Variants in LRFN5 observed in about 807,000 individuals in gnomAD.
The protein encoded by LRFN5 is leucine-rich repeat and fibronectin type-III domain-containing protein 5.
Under a neutral mutation model 45.6 loss-of-function variants are expected in LRFN5, and 24 were observed. That is an observed-to-expected ratio of 0.53 (90% confidence interval 0.38 to 0.74). The LOEUF (loss-of-function observed/expected upper bound fraction) is 0.74, where lower values mean the gene tolerates loss of function less well. Among genes scored for constraint, LRFN5 ranks in the 30% least tolerant of loss-of-function variants. LRFN5 has a pLI of 0.00. For missense variants in LRFN5, 776 were observed against 861.5 expected, an observed-to-expected ratio of 0.90 and a Z score of 1.24; for synonymous variants, 340 against 313.8, an observed-to-expected ratio of 1.08 and a Z score of -0.88.
intron 1 of LRFN5, among the ~76,000 whole-genome samples, chr14:41,658,852 A>C (rs1480954812): frequency 6.6e-6 from 1 of 151,900 alleles, no homozygotes. Flanking sequence ...TGTGATTCCT[A>C]ATAATAGATC....
At chr14:41,688,910 CAA>C (rs59803978) in intron 1 of LRFN5, among the ~76,000 whole-genome samples, 66,840 of 124,986 alleles carry the variant, frequency 0.53, 17,390 homozygotes, top group East Asian at 0.95. Flanking sequence ...CTATTTCTAC[CAA>C]AAAAAAAAAA....
At chr14:41,826,582 C>G (rs1888303058) in intron 2 of LRFN5, among the ~76,000 whole-genome samples, 1 of 152,060 alleles carries the variant, frequency 6.6e-6, no homozygotes, top group Non-Finnish European at 1.5e-5. Context: ...AATATATACT[C>G]AATAATAACT....
At chr14:41,694,367 C>A (rs1882508851) in intron 1 of LRFN5, among the ~76,000 whole-genome samples, 1 of 151,894 alleles carries the variant, frequency 6.6e-6, no homozygotes, top group Middle Eastern at 3.2e-3. Context: ...CTCTAGTAAC[C>A]ATAATTCTAC....
chr14:41,784,393 C>CT lies in LRFN5; in HGVS notation c.-21+17373dup, dbSNP rs896495301. On this transcript the variant is annotated intron_variant, in intron 2 of 5. Coordinates refer to ENST00000298119, the MANE Select transcript of LRFN5 (RefSeq NM_152447.5). The stretch of plus-strand genomic sequence containing the variant: ...ATGACCTTTTTAAAAATTTTTATTT[C>CT]TTTTTTTTTAAAAAAACACAGTAAT... Among the ~76,000 whole-genome samples, 57 of 150,882 alleles carry CT rather than the reference C, an allele frequency of 3.8e-4. No individual in the cohort carries two copies. In the East Asian group the frequency reaches 6.5e-3, roughly 17 times the overall value.
At chr14:41,800,718 T>C in intron 2 of LRFN5, among the ~76,000 whole-genome samples, 1 of 151,222 alleles carries the variant, frequency 6.6e-6, no homozygotes, top group East Asian at 1.9e-4. Flanking sequence ...GGAAAATATA[T>C]ACAATAAAAA....
intron 1 of LRFN5, chr14:41,731,915 T>C (rs1197140928): frequency 6.6e-6 from 1 of 152,116 alleles, no homozygotes; most frequent in Admixed American, 6.6e-5. Flanking sequence ...AGAGTTGAAG[T>C]CATTTTTTAA....
At chr14:41,672,843 G>C (rs918283079) in intron 1 of LRFN5, among the ~76,000 whole-genome samples, 15 of 151,984 alleles carry the variant, frequency 9.9e-5, no homozygotes, top group Non-Finnish European at 2.1e-4. Context: ...AGAATAGTAG[G>C]AATTATTTTA....
At chr14:41,856,102 T>G (rs1001363465) in intron 2 of LRFN5, among the ~76,000 whole-genome samples, 1 of 152,200 alleles carries the variant, frequency 6.6e-6, no homozygotes, top group Non-Finnish European at 1.5e-5. Context: ...AGTAGTCCTT[T>G]CATGAGAGGA....
intron 2 of LRFN5, among the ~76,000 whole-genome samples, chr14:41,767,763 G>A (rs1440095295): frequency 6.6e-5 from 10 of 152,162 alleles, no homozygotes; most frequent in Admixed American, 6.5e-4. Flanking sequence ...AACTTCTAGG[G>A]AAATCAGGTA....
chr14:41,858,821 A>G (rs1440046809), intron 2 of LRFN5, among the ~76,000 whole-genome samples: 10 of 152,084 alleles, frequency 6.6e-5, no homozygotes, highest in African/African-American at 2.4e-4. Context: ...CTCAGTCACA[A>G]TCTTATTTGG....
chr14:41,736,442 T>C (rs1308881481), intron 1 of LRFN5, among the ~76,000 whole-genome samples: 1 of 152,174 alleles, frequency 6.6e-6, no homozygotes, highest in Admixed American at 6.6e-5. Context: ...TGCCCACTTT[T>C]TGATTTTTTT....
At chr14:41,874,852 A>G (rs2139125541) in intron 2 of LRFN5, among the ~76,000 whole-genome samples, 1 of 152,320 alleles carries the variant, frequency 6.6e-6, no homozygotes, top group African/African-American at 2.4e-5. Context: ...AGAGAAGCAA[A>G]CATGTCCTTC....
At chr14:41,622,050 G>T (rs1888153044) in intron 1 of LRFN5, among the ~76,000 whole-genome samples, 2 of 151,758 alleles carry the variant, frequency 1.3e-5, no homozygotes, top group Non-Finnish European at 2.9e-5. Flanking sequence ...CTCTGAACTT[G>T]GTTGGGAAGA....
chr14:41,667,973 A>G (rs1458353155), intron 1 of LRFN5, among the ~76,000 whole-genome samples: 1 of 152,174 alleles, frequency 6.6e-6, no homozygotes, highest in Admixed American at 6.6e-5. Context: ...ACTATTCTTC[A>G]TTTTGTTATT....
rs1228167651 is a variant in LRFN5, at chr14:41,891,292, G to A, written c.1428G>A (p.Leu476=). ...GCAAAACTTTTCTGGTCAATAATCT[G>A]GCTGCTGGAACTATGTATGACTTGT... ...PTSKTFLVNN[L]AAGTMYDLCV... Residue 476 remains leucine (L), a synonymous_variant, in exon 4 of 6, where the codon CTG becomes CTA. Transcript: ENST00000298119. 4 of 1,613,924 alleles carry A rather than the reference G, an allele frequency of 2.5e-6. No homozygotes were observed. The highest frequency in any genetic ancestry group is 3.4e-6 in the Non-Finnish European group (4 of 1,180,018).
chr14:41,649,554 A>G (rs1161874111), intron 1 of LRFN5, among the ~76,000 whole-genome samples: 1 of 152,142 alleles, frequency 6.6e-6, no homozygotes, highest in Non-Finnish European at 1.5e-5. Context: ...CCATCTGTGC[A>G]CTTCATTATA....
At chr14:41,872,631 C>G (rs1303687201) in intron 2 of LRFN5, among the ~76,000 whole-genome samples, 1 of 152,134 alleles carries the variant, frequency 6.6e-6, no homozygotes, top group Non-Finnish European at 1.5e-5. Flanking sequence ...ACATTATATT[C>G]GAACTGTAAT....
chr14:41,752,062 G>T (rs950548693), intron 1 of LRFN5, among the ~76,000 whole-genome samples: 2 of 152,060 alleles, frequency 1.3e-5, no homozygotes, highest in East Asian at 3.9e-4. Flanking sequence ...ATGGTTTCCA[G>T]CTTCATCCAT....
chr14:41,758,809 C>T (rs927966368), intron 1 of LRFN5, among the ~76,000 whole-genome samples: 2 of 152,140 alleles, frequency 1.3e-5, no homozygotes, highest in African/African-American at 2.4e-5. Flanking sequence ...ACCTCTCTAT[C>T]GAAATAATTT....
Sources: allele counts gnomAD v4.1 joint callset (sites outside exome capture counted in the v4.1 genomes callset), GRCh38; gene constraint gnomAD v4.1.1; transcripts MANE v1.5; gene names NCBI Gene and HGNC (gene_info 2026-07-23, HGNC 2026-07-21).